The following LINGO2 variants were observed in gnomAD, a reference collection of about 807,000 sequenced individuals.
LINGO2 encodes the protein leucine-rich repeat and immunoglobulin-like domain-containing nogo receptor-interacting protein 2.
A neutral mutation model predicts 30.6 loss-of-function variants in LINGO2; 14 were observed. The ratio of observed to expected loss-of-function variants is 0.46; its 90% CI spans 0.30 to 0.72. The LOEUF (loss-of-function observed/expected upper bound fraction) is 0.72. LINGO2 is among the 30% of genes least tolerant of loss of function. The probability of loss-of-function intolerance (pLI) is 0.07; values close to 1 mark genes in which losing one functional copy is unlikely to be tolerated. For synonymous variants in LINGO2, 317 were observed against 288.5 expected (o/e 1.10, Z -1.00); for missense variants, 729 against 751.7 (o/e 0.97, Z 0.35).
intron 4 of LINGO2, among the ~76,000 whole-genome samples, chr9:28,276,312 A>C (rs917864786): frequency 6.6e-5 from 10 of 152,108 alleles, no homozygotes; most frequent in African/African-American, 1.4e-4. Context: ...TATGGACCAC[A>C]CATATTTTTT....
chr9:29,112,419 G>C, the LINGO2 span, among the ~76,000 whole-genome samples: 1 of 152,106 alleles, frequency 6.6e-6, no homozygotes, highest in Admixed American at 6.5e-5. Context: ...TAGAGTCTGA[G>C]AACTACTGTC....
the LINGO2 span, among the ~76,000 whole-genome samples, chr9:28,907,756 G>A: frequency 6.6e-6 from 1 of 151,744 alleles, no homozygotes. Context: ...AGAGATGCAT[G>A]AGGATTTTCC....
chr9:29,067,953 T>A, the LINGO2 span, among the ~76,000 whole-genome samples: 13 of 151,718 alleles, frequency 8.6e-5, no homozygotes, highest in African/African-American at 3.1e-4. Context: ...AATAAGACTA[T>A]CGATTGGGGG....
chr9:28,019,362 A>G (rs756249223), intron 4 of LINGO2, among the ~76,000 whole-genome samples: 15 of 151,708 alleles, frequency 9.9e-5, no homozygotes, highest in Non-Finnish European at 2.1e-4. Context: ...GCAAACACAT[A>G]ATAAAAGCTC....
In LINGO2 at chr9:27,957,940, G is replaced by A. The variant is rs372846262; in HGVS notation, c.-35-7234C>T. ...AGTTTCATTCTTTCCTTTCTGATTT[G>A]TATACCTTCATTTTTTGTCTTTCGC... On this transcript the variant is annotated intron_variant, in intron 5 of 5. Coordinates refer to ENST00000379992, the Ensembl canonical transcript of LINGO2. Among the ~76,000 whole-genome samples, 5 of 151,970 alleles carry A rather than the reference G, an allele frequency of 3.3e-5. No homozygotes were observed. In the East Asian group the frequency reaches 9.6e-4, roughly 29 times the overall value.
intron 4 of LINGO2, among the ~76,000 whole-genome samples, chr9:28,158,399 T>C (rs1828195021): frequency 6.6e-6 from 1 of 151,948 alleles, no homozygotes; most frequent in Admixed American, 6.6e-5. Flanking sequence ...CAATAAAGAG[T>C]TCTCAGGTAA....
the LINGO2 span, among the ~76,000 whole-genome samples, chr9:28,747,085 C>T: frequency 2.0e-5 from 3 of 152,002 alleles, no homozygotes; most frequent in South Asian, 6.2e-4. Flanking sequence ...TGTTTCTGTG[C>T]CCAAAAAGTT....
intron 1 of LINGO2, among the ~76,000 whole-genome samples, chr9:28,487,447 T>C (rs1438595282): frequency 1.3e-5 from 2 of 152,168 alleles, no homozygotes; most frequent in Non-Finnish European, 1.5e-5. Flanking sequence ...GTCATATGCA[T>C]AACAATTCTT....
the LINGO2 span, among the ~76,000 whole-genome samples, chr9:28,767,394 C>G: frequency 6.6e-6 from 1 of 152,072 alleles, no homozygotes; most frequent in Non-Finnish European, 1.5e-5. Flanking sequence ...AAATGCTGCC[C>G]TGACATTTAT....
intron 1 of LINGO2, among the ~76,000 whole-genome samples, chr9:28,592,067 G>A (rs1824939747): frequency 1.3e-5 from 2 of 151,928 alleles, no homozygotes; most frequent in Admixed American, 6.6e-5. Flanking sequence ...TGTGACTTAG[G>A]GTTAAAATTA....
intron 5 of LINGO2, among the ~76,000 whole-genome samples, chr9:27,957,213 A>T (rs1177905132): frequency 6.6e-6 from 1 of 152,170 alleles, no homozygotes; most frequent in African/African-American, 2.4e-5. Flanking sequence ...TCTCTTTTCT[A>T]TTCTGCTCCA....
At chr9:28,022,160 A>G (rs567183963) in intron 4 of LINGO2, among the ~76,000 whole-genome samples, 3 of 152,178 alleles carry the variant, frequency 2.0e-5, no homozygotes, top group African/African-American at 7.2e-5. Flanking sequence ...TGCAATATAC[A>G]TAATTCACTA....
At chr9:28,651,084 GGGAGGCTGAGAATGGCATGAACCC>G (rs758311129) in intron 1 of LINGO2, among the ~76,000 whole-genome samples, 127 of 151,940 alleles carry the variant, frequency 8.4e-4, no homozygotes, top group Admixed American at 1.1e-3. Context: ...CCAGCTTCTC[GGGAGGCTGAGAATGGCATGAACCC>G]GGAGGCAGAG....
intron 5 of LINGO2, among the ~76,000 whole-genome samples, chr9:27,992,001 T>G (rs1337876253): frequency 6.6e-6 from 1 of 152,046 alleles, no homozygotes; most frequent in Non-Finnish European, 1.5e-5. Flanking sequence ...TATCTGTACC[T>G]AAACCCAAAC....
intron 3 of LINGO2, among the ~76,000 whole-genome samples, chr9:28,307,205 G>A (rs1011185936): frequency 6.6e-6 from 1 of 152,152 alleles, no homozygotes; most frequent in Non-Finnish European, 1.5e-5. Flanking sequence ...ACCGAATCCA[G>A]CAACACATCA....
At chr9:28,754,018 AC>A in the LINGO2 span, among the ~76,000 whole-genome samples, 2 of 4,440 alleles carry the variant, frequency 4.5e-4, no homozygotes, top group South Asian at 0.015. Flanking sequence ...ACACACACAA[AC>A]ACACACACAC....
At chr9:28,177,771 C>A (rs879503014) in intron 4 of LINGO2, among the ~76,000 whole-genome samples, 1 of 152,090 alleles carries the variant, frequency 6.6e-6, no homozygotes, top group African/African-American at 2.4e-5. Context: ...TCATTCTTAA[C>A]AAAAATTCCA....
intron 3 of LINGO2, among the ~76,000 whole-genome samples, chr9:28,311,933 C>T (rs997798618): frequency 5.1e-4 from 78 of 152,082 alleles, no homozygotes; most frequent in Non-Finnish European, 6.8e-4. Context: ...GCAGTAAAGA[C>T]AGGCGTAAGA....
chr9:28,385,879 G>A lies in LINGO2; in HGVS notation c.-278-13011C>T, dbSNP rs183359778. 2.2e-3 allele frequency among the ~76,000 whole-genome samples: 331 copies of A among 152,236 alleles called. 1 individual carries two copies. Among genetic ancestry groups the A allele is most frequent in the Non-Finnish European group, 3.9e-3 (265 of 68,008 alleles). On this transcript the variant is annotated intron_variant, in intron 2 of 5. Coordinates refer to ENST00000379992, the Ensembl canonical transcript of LINGO2. Reference sequence around the variant, plus strand: ...GGAAGCTGGTATATCCTTGGAAACTGTGTGGAATTTATTTTTAATGAAATA... The same window carrying A: ...GGAAGCTGGTATATCCTTGGAAACTATGTGGAATTTATTTTTAATGAAATA...
Sources: gnomAD v4.1 joint callset for allele counts (sites outside exome capture counted in the v4.1 genomes callset) on GRCh38, gnomAD v4.1.1 for gene constraint, MANE v1.5 for transcripts, NCBI Gene and HGNC (gene_info 2026-07-23, HGNC 2026-07-21) for gene names.